Variants in MEGF6 observed in about 807,000 individuals in gnomAD.
The protein encoded by MEGF6 is multiple EGF like domains 6.
A neutral mutation model predicts 207.1 loss-of-function variants in MEGF6; 184 were observed. That is an observed-to-expected ratio of 0.89 (90% confidence interval 0.79 to 1.00). The LOEUF (loss-of-function observed/expected upper bound fraction) is 1.00, where lower values mean the gene tolerates loss of function less well. Ranked by LOEUF, MEGF6 falls within the 50% of genes least tolerant of loss-of-function variation. MEGF6 has a pLI of 0.00. For synonymous variants in MEGF6, 1,038 were observed against 910.0 expected, an observed-to-expected ratio of 1.14 and a Z score of -2.53; for missense variants, 2,282 against 2,202.9, an observed-to-expected ratio of 1.04 and a Z score of -0.72.
At chr1:3,561,092 C>T (rs997293685) in intron 4 of MEGF6, among the ~76,000 whole-genome samples, 2 of 152,184 alleles carry the variant, frequency 1.3e-5, no homozygotes, top group African/African-American at 2.4e-5. Context: ...GTAAAGGACC[C>T]GCTGGCAGGA....
chr1:3,523,321 T>C (rs1008056230), intron 5 of MEGF6, among the ~76,000 whole-genome samples: 5 of 151,988 alleles, frequency 3.3e-5, no homozygotes, highest in Non-Finnish European at 7.4e-5. Context: ...TGCCGAAGGG[T>C]GAGGGTGGCT....
At chr1:3,505,387 C>A (rs766690037) in intron 16 of MEGF6, 35 bp downstream of exon 16, 4 of 1,596,702 alleles carry the variant, frequency 2.5e-6, no homozygotes, top group Non-Finnish European at 3.4e-6. Context: ...CCGACCCTGG[C>A]GCCCCCCGCC....
chr1:3,526,538 A>G (rs2995004), intron 4 of MEGF6, among the ~76,000 whole-genome samples: 11,701 of 151,904 alleles, frequency 0.077, 616 homozygotes, highest in Admixed American at 0.14. Context: ...AGCTGGGATT[A>G]CAGGCACCCG....
chr1:3,527,167 A>G (rs944554498), intron 4 of MEGF6, among the ~76,000 whole-genome samples: 1 of 152,082 alleles, frequency 6.6e-6, no homozygotes, highest in Non-Finnish European at 1.5e-5. Context: ...GAAAATGCCC[A>G]CCTTCCAGGC....
At chr1:3,526,646 G>A (rs553773650) in intron 4 of MEGF6, among the ~76,000 whole-genome samples, 1 of 152,082 alleles carries the variant, frequency 6.6e-6, no homozygotes, top group African/African-American at 2.4e-5. Flanking sequence ...TGATCCACCC[G>A]CCTTGGCCTC....
At chr1:3,530,533 A>G (rs926782063) in intron 4 of MEGF6, among the ~76,000 whole-genome samples, 13 of 152,198 alleles carry the variant, frequency 8.5e-5, no homozygotes, top group Non-Finnish European at 1.5e-5. Context: ...TGCAGGCGCC[A>G]GATCCCAGCT....
At chr1:3,536,689 G>C (rs2101459788) in intron 4 of MEGF6, among the ~76,000 whole-genome samples, 3 of 152,290 alleles carry the variant, frequency 2.0e-5, no homozygotes, top group Admixed American at 2.0e-4. Flanking sequence ...TGTGTCAGCA[G>C]AAGGCTCTCC....
At chr1:3,562,011 G>A (rs772711606) in intron 4 of MEGF6, among the ~76,000 whole-genome samples, 3 of 152,216 alleles carry the variant, frequency 2.0e-5, no homozygotes, top group Non-Finnish European at 4.4e-5. Context: ...ATTCTTTGGC[G>A]GTGCTGGTGG....
chr1:3,532,213 C>T (rs766626566), intron 4 of MEGF6, among the ~76,000 whole-genome samples: 46 of 152,342 alleles, frequency 3.0e-4, no homozygotes, highest in Admixed American at 3.3e-4. Context: ...CTCCCAGGGT[C>T]GGCAGCAGAA....
At chr1:3,567,203 G>T (rs1643365332) in intron 4 of MEGF6, among the ~76,000 whole-genome samples, 1 of 152,236 alleles carries the variant, frequency 6.6e-6, no homozygotes, top group African/African-American at 2.4e-5. Flanking sequence ...ACACGGCGAA[G>T]ACAGAGCCCT....
Position 3,494,374 on chromosome 1 carries a change from G to A in MEGF6, c.4126C>T (p.His1376Tyr). 6.5e-7 allele frequency: 1 copy of A among 1,542,070 alleles called. No individual in the cohort carries two copies. The highest frequency in any genetic ancestry group is 8.7e-7 in the Non-Finnish European group (1 of 1,148,158). The change falls in exon 32 of 37, where the codon CAC becomes TAC. Residue 1376 changes from histidine to tyrosine, a missense_variant. His to Tyr is a moderately conservative substitution (Grantham distance 83). Transcript: ENST00000356575. ...GPGFYGQACEHPCPPGFHGAG... is the reference protein window; with the variant it reads ...GPGFYGQACEYPCPPGFHGAG... Reference sequence around the variant, plus strand: ...GCTGCACAGGCCCCCAACTCACGGTGCTCGCAGGCCTGGCCATAGAAGCCG... The same window carrying A: ...GCTGCACAGGCCCCCAACTCACGGTACTCGCAGGCCTGGCCATAGAAGCCG...
chr1:3,564,788 G>A (rs1446127913), intron 4 of MEGF6, among the ~76,000 whole-genome samples: 1 of 152,032 alleles, frequency 6.6e-6, no homozygotes, highest in African/African-American at 2.4e-5. Context: ...CCAAAGCTGG[G>A]GACGGGCCCC....
rs1301051552 is a variant in MEGF6, at chr1:3,602,509, C to A, written c.223G>T (p.Ala75Ser). ...ALSHTVPVWKAGCGWQAWCVG... is the reference protein window; with the variant it reads ...ALSHTVPVWKSGCGWQAWCVG... ...CACCACGCCTGCCACCCACAGCCGGCCTTCCACACCGGCACCGTGTGGCTT... is the reference window on the plus strand; with the variant it reads ...CACCACGCCTGCCACCCACAGCCGGACTTCCACACCGGCACCGTGTGGCTT... The change falls in exon 2 of 37, where the codon GCC becomes TCC. Residue 75 changes from alanine to serine, a missense_variant. Ala to Ser is a moderately conservative substitution (Grantham distance 99, BLOSUM62 1). Transcript: ENST00000356575. The A allele has an allele frequency of 6.2e-7, 1 of 1,613,400 alleles. No homozygotes were observed. The highest frequency in any genetic ancestry group is 8.5e-7 in the Non-Finnish European group (1 of 1,179,898).
chr1:3,612,727 C>T (rs1013939945), upstream of MEGF6, among the ~76,000 whole-genome samples: 131 of 143,734 alleles, frequency 9.1e-4, 1 homozygote, highest in Non-Finnish European at 2.0e-4. Context: ...ATAGGGAGCA[C>T]TGGAGGGAGC....
At chr1:3,578,975 G>A (rs936810399) in intron 4 of MEGF6, among the ~76,000 whole-genome samples, 7 of 152,160 alleles carry the variant, frequency 4.6e-5, no homozygotes, top group South Asian at 4.1e-4. Context: ...TCCTCGAATC[G>A]CTTCCTGCTG....
chr1:3,579,703 C>G (rs951488261), intron 4 of MEGF6, 122 bp downstream of exon 4: 31 of 598,922 alleles, frequency 5.2e-5, no homozygotes, highest in Non-Finnish European at 8.1e-5. Flanking sequence ...AGAAGAATGC[C>G]CGTTCACTCG....
intron 4 of MEGF6, among the ~76,000 whole-genome samples, chr1:3,575,673 C>T (rs112464652): frequency 0.01 from 1,535 of 152,148 alleles, 17 homozygotes; most frequent in Non-Finnish European, 0.016. Flanking sequence ...AGAGCTTGTG[C>T]GGGGAAACTC....
At chr1:3,514,791 G>GCCCATCA in intron 6 of MEGF6, 119 bp from the exon 7 acceptor site, 1 of 1,181,112 alleles carries the variant, frequency 8.5e-7, no homozygotes, top group Non-Finnish European at 1.1e-6. Flanking sequence ...CTGTGCTCCA[G>GCCCATCA]GCTGATGGGC....
chr1:3,568,229 G>C (rs1643402131), intron 4 of MEGF6, among the ~76,000 whole-genome samples: 1 of 152,164 alleles, frequency 6.6e-6, no homozygotes, highest in African/African-American at 2.4e-5. Context: ...GAAGTGTGCA[G>C]GACCTGCCAT....
Sources: gnomAD v4.1 joint callset for allele counts (sites outside exome capture counted in the v4.1 genomes callset) on GRCh38, gnomAD v4.1.1 for gene constraint, MANE v1.5 for transcripts, NCBI Gene and HGNC (gene_info 2026-07-23, HGNC 2026-07-21) for gene names.